The following ITSN1 variants were observed in gnomAD, a reference collection of about 807,000 sequenced individuals.
ITSN1 encodes intersectin-1.
ITSN1 carries 58 observed loss-of-function variants against 239.8 expected under a neutral mutation model. The observed-to-expected ratio is 0.24, with a 90% CI of 0.20 to 0.30. ITSN1 has a LOEUF of 0.30. Among genes scored for constraint, ITSN1 ranks in the 10% least tolerant of loss-of-function variants. The probability of loss-of-function intolerance (pLI) is 1.00; values close to 1 mark genes in which losing one functional copy is unlikely to be tolerated. For synonymous variants in ITSN1, 780 were observed against 770.8 expected, an observed-to-expected ratio of 1.01 and a Z score of -0.20; for missense variants, 1,558 against 2,103.3, an observed-to-expected ratio of 0.74 and a Z score of 5.07.
intron 5 of ITSN1, among the ~76,000 whole-genome samples, chr21:33,743,668 T>C (rs1450463974): frequency 6.6e-6 from 1 of 152,166 alleles, no homozygotes; most frequent in African/African-American, 2.4e-5. Context: ...TAAAAGAGTA[T>C]CATGTGGCCA....
intron 8 of ITSN1, among the ~76,000 whole-genome samples, chr21:33,759,064 A>T (rs1326456302): frequency 6.6e-6 from 1 of 152,212 alleles, no homozygotes; most frequent in Non-Finnish European, 1.5e-5. Context: ...TAGTGTGGGG[A>T]TTGGCAAACA....
intron 10 of ITSN1, 115 bp downstream of exon 10, chr21:33,766,127 C>A: frequency 1.8e-6 from 2 of 1,119,924 alleles, no homozygotes; most frequent in Non-Finnish European, 1.3e-6. Context: ...AACTAAGTAT[C>A]CGTGAATTCT....
chr21:33,871,809 G>T (rs1177458810), intron 33 of ITSN1, among the ~76,000 whole-genome samples: 1 of 152,126 alleles, frequency 6.6e-6, no homozygotes. Flanking sequence ...GTATGGAATA[G>T]CAGTGAAGAG....
At chr21:33,758,451 G>A (rs1383417022) in intron 8 of ITSN1, among the ~76,000 whole-genome samples, 2 of 152,204 alleles carry the variant, frequency 1.3e-5, no homozygotes, top group Non-Finnish European at 2.9e-5. Flanking sequence ...GACTATCTGG[G>A]TTGATTTAGC....
At chr21:33,832,321 G>A (rs962934832) in intron 27 of ITSN1, among the ~76,000 whole-genome samples, 3 of 152,254 alleles carry the variant, frequency 2.0e-5, no homozygotes, top group Non-Finnish European at 2.9e-5. Flanking sequence ...CACTGGCCCC[G>A]TGCCGGCACC....
intron 23 of ITSN1, among the ~76,000 whole-genome samples, chr21:33,819,033 G>A (rs1158756448): frequency 6.6e-6 from 1 of 152,156 alleles, no homozygotes. Context: ...GTCCAGTATA[G>A]CAAAGTGCTG....
At chr21:33,784,634 A>C (rs2070497343) in intron 16 of ITSN1, among the ~76,000 whole-genome samples, 1 of 152,348 alleles carries the variant, frequency 6.6e-6, no homozygotes, top group Non-Finnish European at 1.5e-5. Flanking sequence ...TTCCTCTCAA[A>C]CCTGATAAAG....
At chr21:33,862,084 AC>A (rs112795865) in intron 31 of ITSN1, among the ~76,000 whole-genome samples, 3 of 144,508 alleles carry the variant, frequency 2.1e-5, no homozygotes, top group African/African-American at 7.7e-5. Flanking sequence ...AATTGCTTGA[AC>A]CCGGTGGGGG....
intron 37 of ITSN1, 116 bp from the exon 38 acceptor site, chr21:33,885,323 G>A: frequency 1.8e-6 from 2 of 1,112,104 alleles, no homozygotes; most frequent in Non-Finnish European, 2.7e-6. Flanking sequence ...TTTAAGGAGA[G>A]GGAAGAATTA....
intron 1 of ITSN1, among the ~76,000 whole-genome samples, chr21:33,653,643 C>T (rs2088760580): frequency 6.6e-6 from 1 of 152,082 alleles, no homozygotes; most frequent in Non-Finnish European, 1.5e-5. Flanking sequence ...CTGCCTCAGC[C>T]TCCCGAGTAG....
intron 29 of ITSN1, among the ~76,000 whole-genome samples, chr21:33,851,454 A>G (rs932603888): frequency 2.0e-5 from 3 of 150,936 alleles, no homozygotes; most frequent in Non-Finnish European, 4.4e-5. Context: ...GCTGGAGTGC[A>G]GTGGTGCGAC....
intron 5 of ITSN1, among the ~76,000 whole-genome samples, chr21:33,737,650 T>C (rs932978139): frequency 6.6e-6 from 1 of 152,132 alleles, no homozygotes; most frequent in Non-Finnish European, 1.5e-5. Context: ...CTTGGCTCAC[T>C]GCAACCTCTG....
At chr21:33,854,804 C>T (rs886658873) in intron 29 of ITSN1, among the ~76,000 whole-genome samples, 4 of 152,208 alleles carry the variant, frequency 2.6e-5, no homozygotes, top group African/African-American at 9.6e-5. Flanking sequence ...AGTGCGAGCT[C>T]ACCTTGCAGC....
intron 5 of ITSN1, among the ~76,000 whole-genome samples, chr21:33,748,169 A>G (rs2147433247): frequency 6.6e-6 from 1 of 152,324 alleles, no homozygotes; most frequent in Non-Finnish European, 1.5e-5. Context: ...CAACAACCAC[A>G]TAGAAAATTA....
intron 16 of ITSN1, 133 bp downstream of exon 16, chr21:33,782,266 C>G: frequency 1.1e-6 from 1 of 871,688 alleles, no homozygotes. Flanking sequence ...TTGCACTTTT[C>G]TCCTTGAAAA....
intron 29 of ITSN1, 69 bp from the exon 30 acceptor site, chr21:33,856,665 GAT>G: frequency 1.2e-6 from 2 of 1,604,690 alleles, no homozygotes; most frequent in South Asian, 2.2e-5. Context: ...CAGCCACGAG[GAT>G]CTTCCGTGTG....
chr21:33,781,405 T>C, intron 14 of ITSN1, 56 bp from the exon 15 acceptor site: 1 of 923,716 alleles, frequency 1.1e-6, no homozygotes. Context: ...TGGATCTTAA[T>C]GTAGATGTGG....
chr21:33,844,773 T>TC (rs2074937373), intron 29 of ITSN1, among the ~76,000 whole-genome samples: 1 of 151,928 alleles, frequency 6.6e-6, no homozygotes, highest in African/African-American at 2.4e-5. Flanking sequence ...CTCTGGAGTG[T>TC]TACCTTGGAG....
intron 16 of ITSN1, among the ~76,000 whole-genome samples, chr21:33,784,308 A>AG (rs1350887620): frequency 5.7e-5 from 5 of 87,214 alleles, no homozygotes; most frequent in African/African-American, 2.1e-4. Context: ...CTGTCTCTAC[A>AG]AAACACACAC....
Sources: allele counts gnomAD v4.1 joint callset (sites outside exome capture counted in the v4.1 genomes callset), GRCh38; gene constraint gnomAD v4.1.1; transcripts MANE v1.5; gene names NCBI Gene and HGNC (gene_info 2026-07-23, HGNC 2026-07-21).